SLC35F4: variants seen among roughly 807,000 people sequenced by gnomAD.
SLC35F4 encodes chromosome 14 open reading frame 36.
A neutral mutation model predicts 44.2 loss-of-function variants in SLC35F4; 24 were observed. The observed-to-expected ratio is 0.54, with a 90% CI of 0.39 to 0.76. The LOEUF (loss-of-function observed/expected upper bound fraction) is 0.76, where lower values mean the gene tolerates loss of function less well. SLC35F4 is among the 30% of genes least tolerant of loss of function. The pLI, the probability that SLC35F4 is intolerant of heterozygous loss-of-function variation, is 0.00. For missense variants in SLC35F4, 562 were observed against 586.1 expected, an observed-to-expected ratio of 0.96 and a Z score of 0.42; for synonymous variants, 238 against 223.6, an observed-to-expected ratio of 1.06 and a Z score of -0.57.
At chr14:57,663,489 C>T (rs970273369) in intron 1 of SLC35F4, among the ~76,000 whole-genome samples, 1 of 152,178 alleles carries the variant, frequency 6.6e-6, no homozygotes, top group Non-Finnish European at 1.5e-5. Flanking sequence ...CCAAGGGACT[C>T]TCTGCTCAGC....
chr14:57,861,012 C>T lies in SLC35F4; in HGVS notation c.103+4711G>A, dbSNP rs144674411. Among the ~76,000 whole-genome samples the T allele has an allele frequency of 7.9e-5, 12 of 152,308 alleles. No homozygotes were observed. The East Asian group carries it at 2.3e-3, about 29-fold the overall frequency. On this transcript the variant is annotated intron_variant, in intron 1 of 7. Transcript: ENST00000556826. ...TATCTCTACTTGTTCTATGCCTTTA[C>T]TGTGTTAATGAATGAGCCAACCTAC...
intron 1 of SLC35F4, among the ~76,000 whole-genome samples, chr14:57,692,336 A>G (rs2075259183): frequency 6.6e-6 from 1 of 152,146 alleles, no homozygotes; most frequent in South Asian, 2.1e-4. Flanking sequence ...TGTGTTATAT[A>G]TGGATGGTGG....
At chr14:57,594,746 A>T (rs947587976) in intron 1 of SLC35F4, among the ~76,000 whole-genome samples, 2 of 152,176 alleles carry the variant, frequency 1.3e-5, no homozygotes, top group Admixed American at 6.5e-5. Context: ...TTTCCAACAA[A>T]CTGACTATAC....
At chr14:57,687,184 C>T (rs1050255017) in intron 1 of SLC35F4, among the ~76,000 whole-genome samples, 3 of 152,140 alleles carry the variant, frequency 2.0e-5, no homozygotes, top group African/African-American at 7.2e-5. Context: ...TTCATTTAAG[C>T]TCCCCAGTCT....
Position 57,749,720 on chromosome 14 carries a change from G to A in SLC35F4, c.103+116003C>T, listed in dbSNP as rs541983773. ...GACTTATCAAGGTGTCCTCAGACTAGTGACCATGACACCAACTATGCTGTT... is the reference window on the plus strand; with the variant it reads ...GACTTATCAAGGTGTCCTCAGACTAATGACCATGACACCAACTATGCTGTT... On this transcript the variant is annotated intron_variant, in intron 1 of 7. Coordinates refer to ENST00000556826, the MANE Select transcript of SLC35F4 (RefSeq NM_001306087.2). 2.6e-5 allele frequency among the ~76,000 whole-genome samples: 4 copies of A among 152,262 alleles called. No individual in the cohort carries two copies. In the East Asian group the frequency reaches 5.8e-4, roughly 22 times the overall value.
intron 1 of SLC35F4, among the ~76,000 whole-genome samples, chr14:57,721,747 C>T (rs1290487533): frequency 6.6e-6 from 1 of 152,144 alleles, no homozygotes; most frequent in Non-Finnish European, 1.5e-5. Context: ...AGTTTATAAA[C>T]TCTGATGAAC....
chr14:57,648,240 T>C (rs956280001), intron 1 of SLC35F4, among the ~76,000 whole-genome samples: 1 of 152,164 alleles, frequency 6.6e-6, no homozygotes, highest in Admixed American at 6.5e-5. Flanking sequence ...GAGGATGTTA[T>C]AGCATGGAAA....
chr14:57,933,347 C>A (rs1889735018), intron 1 of SLC35F4, among the ~76,000 whole-genome samples: 1 of 152,110 alleles, frequency 6.6e-6, no homozygotes, highest in Admixed American at 6.5e-5. Context: ...TTAAGTACAG[C>A]AAGTTTGGTG....
intron 1 of SLC35F4, among the ~76,000 whole-genome samples, chr14:57,684,434 A>G (rs2075007133): frequency 6.6e-6 from 1 of 152,184 alleles, no homozygotes; most frequent in Non-Finnish European, 1.5e-5. Flanking sequence ...TCTCATAAGG[A>G]GCATGCAACC....
intron 1 of SLC35F4, among the ~76,000 whole-genome samples, chr14:57,688,606 G>T (rs2075134968): frequency 6.6e-6 from 1 of 152,236 alleles, no homozygotes; most frequent in Non-Finnish European, 1.5e-5. Flanking sequence ...CATCTCCACG[G>T]TATGTTTTCT....
At chr14:57,615,229 G>C (rs1357829403) in intron 1 of SLC35F4, among the ~76,000 whole-genome samples, 1 of 152,120 alleles carries the variant, frequency 6.6e-6, no homozygotes, top group Non-Finnish European at 1.5e-5. Context: ...CACTAAGAAA[G>C]GGTTTCTCAG....
At chr14:57,846,790 G>C (rs914434404) in intron 1 of SLC35F4, among the ~76,000 whole-genome samples, 1 of 152,190 alleles carries the variant, frequency 6.6e-6, no homozygotes, top group Non-Finnish European at 1.5e-5. Flanking sequence ...ATCAGAGTGA[G>C]ATTAAATGTG....
intron 1 of SLC35F4, among the ~76,000 whole-genome samples, chr14:57,800,342 C>A (rs1369456033): frequency 2.6e-5 from 4 of 152,172 alleles, no homozygotes; most frequent in Non-Finnish European, 5.9e-5. Flanking sequence ...AATGACCCCA[C>A]AGAAACATCA....
At chr14:57,749,951 G>T (rs535765544) in intron 1 of SLC35F4, among the ~76,000 whole-genome samples, 1 of 151,876 alleles carries the variant, frequency 6.6e-6, no homozygotes, top group African/African-American at 2.4e-5. Flanking sequence ...TTTGTTACTT[G>T]TGTAGTGATC....
intron 1 of SLC35F4, among the ~76,000 whole-genome samples, chr14:57,662,106 C>T (rs2074156931): frequency 6.6e-6 from 1 of 152,184 alleles, no homozygotes; most frequent in African/African-American, 2.4e-5. Context: ...TGCCACCATT[C>T]ACTCTAACAA....
At chr14:57,909,541 TACACACACACACACACAC>T (rs56024301) in intron 1 of SLC35F4, among the ~76,000 whole-genome samples, 1 of 148,540 alleles carries the variant, frequency 6.7e-6, no homozygotes, top group Non-Finnish European at 1.5e-5. Flanking sequence ...CAGTTGGAAA[TACACACACACACACACAC>T]ACACACACAC....
chr14:57,661,020 C>A (rs1191453395), intron 1 of SLC35F4, among the ~76,000 whole-genome samples: 1 of 152,192 alleles, frequency 6.6e-6, no homozygotes, highest in Non-Finnish European at 1.5e-5. Context: ...TGTTCCATTT[C>A]TTCGGCACTG....
At chr14:57,817,039 C>A (rs1190708832) in intron 1 of SLC35F4, among the ~76,000 whole-genome samples, 1 of 152,124 alleles carries the variant, frequency 6.6e-6, no homozygotes, top group Non-Finnish European at 1.5e-5. Context: ...AGTATATGTT[C>A]AGAATGGGAC....
chr14:57,576,843 G>A lies in SLC35F4; in HGVS notation c.807+4371C>T, dbSNP rs572738842. Reference sequence around the variant, plus strand: ...TGTCAAAGTTGTAAAGAAATCCCACGAAGAAAGAGTGAAGGATATATGTGG... The same window carrying A: ...TGTCAAAGTTGTAAAGAAATCCCACAAAGAAAGAGTGAAGGATATATGTGG... On this transcript the variant is annotated intron_variant, in intron 4 of 7. Coordinates refer to ENST00000556826, the MANE Select transcript of SLC35F4 (RefSeq NM_001306087.2). Among the ~76,000 whole-genome samples the A allele has an allele frequency of 9.2e-5, 14 of 152,268 alleles. No individual in the cohort carries two copies. In the South Asian group the frequency reaches 2.7e-3, roughly 29 times the overall value.
Sources: allele counts gnomAD v4.1 joint callset (sites outside exome capture counted in the v4.1 genomes callset), GRCh38; gene constraint gnomAD v4.1.1; transcripts MANE v1.5; gene names NCBI Gene and HGNC (gene_info 2026-07-23, HGNC 2026-07-21).